PBK: variants seen among roughly 807,000 people sequenced by gnomAD.
The protein encoded by PBK is lymphokine-activated killer T-cell-originated protein kinase.
PBK carries 22 observed loss-of-function variants against 33.5 expected under a neutral mutation model. The observed-to-expected ratio is 0.66, with a 90% CI of 0.47 to 0.94. The LOEUF (loss-of-function observed/expected upper bound fraction) is 0.94, where lower values mean the gene tolerates loss of function less well. Among genes scored for constraint, PBK ranks in the 40% least tolerant of loss-of-function variants. The pLI is 0.00. For synonymous variants in PBK, 129 were observed against 123.8 expected (o/e 1.04, Z -0.28); for missense variants, 376 against 383.4 (o/e 0.98, Z 0.16).
chr8:27,810,303 C>G lies in PBK; in HGVS notation c.*2G>C. 6.2e-7 allele frequency: 1 copy of G among 1,600,438 alleles called. No homozygotes were observed. Among genetic ancestry groups the G allele is most frequent in the Non-Finnish European group, 8.6e-7 (1 of 1,168,344 alleles). On this transcript the variant is annotated 3_prime_UTR_variant, in exon 8 of 8. Coordinates refer to ENST00000301905, the MANE Select transcript of PBK (RefSeq NM_018492.4). ...CAAGCCACACTTCAGCTGAGATGAT[C>G]ACTAGACATCTGTTTCCAGAGCTTC...
intron 2 of PBK, 58 bp downstream of exon 2, chr8:27,832,998 G>C: frequency 1.1e-6 from 1 of 941,806 alleles, no homozygotes; most frequent in Non-Finnish European, 1.6e-6. Context: ...ATAATACTAG[G>C]ACATTTCTAA....
In PBK at chr8:27,810,169, G is replaced by C. The variant is rs1805642975; in HGVS notation, c.*136C>G. 1.6e-6 allele frequency: 1 copy of C among 635,366 alleles called. No homozygotes were observed. The highest frequency in any genetic ancestry group is 1.9e-5 in the African/African-American group (1 of 53,958). 39.4% of individuals were successfully genotyped at this position (635,366 alleles called of 1,614,324 possible). A position where few individuals can be genotyped will look rare whatever the true frequency, so the allele number is the denominator to read the frequency against. ...ATAAGCATATTTCATATTAGAAATA[G>C]TTATCCATATGTTAACAAGAAACTA... On this transcript the variant is annotated 3_prime_UTR_variant, in exon 8 of 8. Transcript: ENST00000301905.
intron 6 of PBK, among the ~76,000 whole-genome samples, chr8:27,813,313 T>G (rs923755191): frequency 7.2e-5 from 11 of 152,008 alleles, no homozygotes; most frequent in Non-Finnish European, 1.5e-4. Flanking sequence ...CCCTGGGGCC[T>G]GTCATGGGGT....
chr8:27,820,784 C>G (rs1243479634), intron 5 of PBK, 90 bp from the exon 6 acceptor site: 4 of 675,112 alleles, frequency 5.9e-6, no homozygotes, highest in African/African-American at 5.7e-5. Flanking sequence ...CTTGAACTCC[C>G]TTCCTAAACT....
intron 6 of PBK, among the ~76,000 whole-genome samples, chr8:27,815,955 AAC>A (rs1180216019): frequency 3.3e-5 from 5 of 152,236 alleles, no homozygotes; most frequent in African/African-American, 1.2e-4. Context: ...TTGATACAGA[AAC>A]AGTTTATACT....
intron 3 of PBK, among the ~76,000 whole-genome samples, chr8:27,826,971 A>G (rs1806038157): frequency 6.6e-6 from 1 of 152,208 alleles, no homozygotes; most frequent in African/African-American, 2.4e-5. Context: ...AGTTAACACT[A>G]AAAAACAAAT....
chr8:27,819,896 C>G (rs1321312135), intron 6 of PBK, among the ~76,000 whole-genome samples: 1 of 152,118 alleles, frequency 6.6e-6, no homozygotes. Context: ...CATTCTGACT[C>G]TTGCCTTCAA....
chr8:27,829,503 A>G (rs927503071), intron 2 of PBK, among the ~76,000 whole-genome samples: 8 of 152,218 alleles, frequency 5.3e-5, no homozygotes, highest in Non-Finnish European at 7.3e-5. Context: ...ACAATGCAAA[A>G]TATCTACTGC....
rs996508970 is a variant in PBK, at chr8:27,823,129, C to T, written c.229G>A (p.Val77Met). The T allele has an allele frequency of 3.2e-6, 5 of 1,568,692 alleles. No homozygotes were observed. Among genetic ancestry groups the T allele is most frequent in the Admixed American group, 3.4e-5 (2 of 59,664 alleles). The change falls in exon 4 of 8, where the codon GTG (valine) becomes ATG (methionine). Residue 77 changes from valine (V) to methionine (M), a missense_variant. Physicochemically the swap from Val to Met is conservative, Grantham distance 21. Coordinates refer to ENST00000301905, the MANE Select transcript of PBK (RefSeq NM_018492.4). ...TCATCCATTAGTCTCTTTTGATACACACTTCGATAATGATCATTACATATA... is the reference window on the plus strand; with the variant it reads ...TCATCCATTAGTCTCTTTTGATACATACTTCGATAATGATCATTACATATA... The part of the protein sequence containing the change: ...NPICNDHYRS[V>M]YQKRLMDEAK...
At chr8:27,813,020 C>T (rs1025542891) in intron 6 of PBK, among the ~76,000 whole-genome samples, 5 of 152,134 alleles carry the variant, frequency 3.3e-5, no homozygotes, top group African/African-American at 7.2e-5. Context: ...CACATGTACA[C>T]GTTTATGTTT....
At chr8:27,816,343 C>CTATATATATATATATATA (rs767822258) in intron 6 of PBK, among the ~76,000 whole-genome samples, 6 of 136,362 alleles carry the variant, frequency 4.4e-5, no homozygotes, top group East Asian at 2.3e-4. Context: ...TCATCGAATA[C>CTATATATATATATATATA]TATATATATA....
chr8:27,835,413 A>G lies in PBK; in HGVS notation c.-21+2239T>C, dbSNP rs540048095. 1.2e-4 allele frequency among the ~76,000 whole-genome samples: 18 copies of G among 152,312 alleles called. No individual in the cohort carries two copies. The East Asian group carries it at 3.5e-3, about 29-fold the overall frequency. ...CAGTTTCAGAACTTTGGGAAAGGAT[A>G]AACTATTTAGCAGAGTGGGTTGCAG... On this transcript the variant is annotated intron_variant, in intron 1 of 7. Coordinates refer to ENST00000301905, the MANE Select transcript of PBK (RefSeq NM_018492.4).
At chr8:27,827,141 T>C (rs551184943) in intron 3 of PBK, among the ~76,000 whole-genome samples, 3 of 152,332 alleles carry the variant, frequency 2.0e-5, no homozygotes, top group Admixed American at 2.0e-4. Context: ...GAAGCTAAGA[T>C]ACGGAGGGTT....
At chr8:27,821,608 A>G (rs1334973508) in intron 5 of PBK, among the ~76,000 whole-genome samples, 1 of 152,196 alleles carries the variant, frequency 6.6e-6, no homozygotes, top group Admixed American at 6.5e-5. Context: ...GACAGCTTAT[A>G]AGTTAACTAT....
chr8:27,822,175 CTATTT>C (rs1805941444), intron 5 of PBK, 139 bp downstream of exon 5: 1 of 613,080 alleles, frequency 1.6e-6, no homozygotes, highest in East Asian at 2.8e-5. Context: ...ATGTAAGCCT[CTATTT>C]TGTTTTCCGC....
intron 5 of PBK, 121 bp downstream of exon 5, chr8:27,822,198 T>G (rs1469871839): frequency 1.4e-6 from 1 of 732,492 alleles, no homozygotes; most frequent in Non-Finnish European, 2.2e-6. Flanking sequence ...CGCTAACCCC[T>G]TTTTGGAACT....
chr8:27,825,702 G>C lies in PBK; in HGVS notation c.152+2403C>G, dbSNP rs189041503. On this transcript the variant is annotated intron_variant, in intron 3 of 7. Transcript: ENST00000301905. ...CCTGTGTTATCAACACCTAGATACCGAACATTTCTAGCACTCCAAGAGACT... is the reference window on the plus strand; with the variant it reads ...CCTGTGTTATCAACACCTAGATACCCAACATTTCTAGCACTCCAAGAGACT... Among the ~76,000 whole-genome samples, 146 of 152,106 alleles carry C rather than the reference G, an allele frequency of 9.6e-4. 2 individuals carry two copies. Among genetic ancestry groups the C allele is most frequent in the Admixed American group, 3.7e-3 (57 of 15,274 alleles).
chr8:27,819,508 T>C (rs1257138989), intron 6 of PBK, among the ~76,000 whole-genome samples: 2 of 152,138 alleles, frequency 1.3e-5, no homozygotes, highest in African/African-American at 2.4e-5. Context: ...AGTTTGGAGT[T>C]TTTGTTTCCT....
chr8:27,818,520 T>C (rs28542584), intron 6 of PBK, among the ~76,000 whole-genome samples: 23,921 of 152,160 alleles, frequency 0.16, 2,382 homozygotes, highest in East Asian at 0.36. Context: ...CTCATTGTTA[T>C]TTAGCTTTTA....
Sources: allele counts gnomAD v4.1 joint callset (sites outside exome capture counted in the v4.1 genomes callset), GRCh38; gene constraint gnomAD v4.1.1; transcripts MANE v1.5; gene names NCBI Gene and HGNC (gene_info 2026-07-23, HGNC 2026-07-21).